Variants in PLPPR1 observed in about 807,000 individuals in gnomAD.
PLPPR1 encodes the protein phospholipid phosphatase-related protein type 1.
In PLPPR1, 10 loss-of-function variants were observed where a neutral mutation model predicts 33.1. The observed-to-expected ratio is 0.30, with a 90% CI of 0.19 to 0.51. PLPPR1 has a LOEUF of 0.51. Among genes scored for constraint, PLPPR1 ranks in the 20% least tolerant of loss-of-function variants. PLPPR1 has a pLI of 0.97. For missense variants in PLPPR1, 304 were observed against 408.1 expected (o/e 0.74, Z 2.20); for synonymous variants, 151 against 151.0 (o/e 1.00, Z 0.00).
chr9:101,062,173 T>C (rs1830356028), intron 1 of PLPPR1, among the ~76,000 whole-genome samples: 1 of 151,696 alleles, frequency 6.6e-6, no homozygotes, highest in Non-Finnish European at 1.5e-5. Flanking sequence ...TGTGTGTGTG[T>C]GTGTGTGTGT....
chr9:101,213,088 A>C (rs1826717865), intron 2 of PLPPR1, among the ~76,000 whole-genome samples: 1 of 152,180 alleles, frequency 6.6e-6, no homozygotes, highest in Non-Finnish European at 1.5e-5. Flanking sequence ...GGTGAATTAA[A>C]TTGCCCAAGA....
At chr9:101,100,696 CCGTG>C (rs1169090671) in intron 1 of PLPPR1, among the ~76,000 whole-genome samples, 1 of 104,472 alleles carries the variant, frequency 9.6e-6, no homozygotes, top group Non-Finnish European at 1.9e-5. Flanking sequence ...ACTCTTTGTT[CCGTG>C]TGTGTGTGTG....
intron 1 of PLPPR1, among the ~76,000 whole-genome samples, chr9:101,100,297 A>G (rs767204071): frequency 2.0e-5 from 3 of 152,150 alleles, no homozygotes; most frequent in Non-Finnish European, 4.4e-5. Context: ...ATTATTTTGC[A>G]ATGCAAAATT....
intron 2 of PLPPR1, among the ~76,000 whole-genome samples, chr9:101,215,099 A>G (rs1826764288): frequency 6.6e-6 from 1 of 152,034 alleles, no homozygotes; most frequent in Admixed American, 6.6e-5. Flanking sequence ...TTATGTTTGT[A>G]ATAGTAAAGT....
At chr9:101,183,945 A>G (rs1482268248) in intron 1 of PLPPR1, among the ~76,000 whole-genome samples, 1 of 151,614 alleles carries the variant, frequency 6.6e-6, no homozygotes, top group African/African-American at 2.4e-5. Context: ...TTCTTTTCAG[A>G]TATACAACAC....
At chr9:101,282,176 C>T (rs1035595269) in intron 3 of PLPPR1, among the ~76,000 whole-genome samples, 2 of 152,092 alleles carry the variant, frequency 1.3e-5, no homozygotes, top group Non-Finnish European at 2.9e-5. Context: ...AAAACCCTAA[C>T]AAATCAAACT....
At chr9:101,195,815 C>T (rs1430198930) in intron 2 of PLPPR1, among the ~76,000 whole-genome samples, 2 of 152,164 alleles carry the variant, frequency 1.3e-5, no homozygotes, top group African/African-American at 4.8e-5. Context: ...TGAGAATTAG[C>T]ATTACAGTAC....
intron 2 of PLPPR1, among the ~76,000 whole-genome samples, chr9:101,194,074 A>G (rs1004642395): frequency 6.6e-6 from 1 of 152,222 alleles, no homozygotes; most frequent in Non-Finnish European, 1.5e-5. Context: ...AACTCTGGAT[A>G]CAGGCTCATT....
intron 1 of PLPPR1, among the ~76,000 whole-genome samples, chr9:101,058,936 C>A (rs914745688): frequency 9.9e-5 from 15 of 152,084 alleles, no homozygotes; most frequent in African/African-American, 3.6e-4. Flanking sequence ...ACACAGCTAA[C>A]AAATTTCTGA....
intron 1 of PLPPR1, among the ~76,000 whole-genome samples, chr9:101,166,179 T>C (rs1825855850): frequency 6.6e-6 from 1 of 152,214 alleles, no homozygotes; most frequent in South Asian, 2.1e-4. Flanking sequence ...CCTTTATGTT[T>C]CAACCATATG....
At chr9:101,234,543 A>AT (rs200656303) in intron 2 of PLPPR1, among the ~76,000 whole-genome samples, 2 of 151,460 alleles carry the variant, frequency 1.3e-5, no homozygotes, top group African/African-American at 2.4e-5. Context: ...CTCCAAGTGT[A>AT]TTTTTTTAAA....
intron 1 of PLPPR1, among the ~76,000 whole-genome samples, chr9:101,149,091 C>T (rs944263936): frequency 2.0e-5 from 3 of 152,104 alleles, no homozygotes; most frequent in Admixed American, 2.0e-4. Context: ...TGTATTCTTG[C>T]AGAAATTTGC....
intron 2 of PLPPR1, among the ~76,000 whole-genome samples, chr9:101,210,558 T>A (rs1225254039): frequency 1.3e-5 from 2 of 152,190 alleles, no homozygotes; most frequent in Non-Finnish European, 2.9e-5. Flanking sequence ...CTTCAAAATT[T>A]GGCCTTGCGT....
At chr9:101,160,711 C>T (rs1025425789) in intron 1 of PLPPR1, among the ~76,000 whole-genome samples, 1 of 152,114 alleles carries the variant, frequency 6.6e-6, no homozygotes, top group East Asian at 1.9e-4. Flanking sequence ...TCTAATTAGC[C>T]ATCAAGATCC....
intron 1 of PLPPR1, among the ~76,000 whole-genome samples, chr9:101,160,969 A>G (rs1447256898): frequency 6.6e-6 from 1 of 152,192 alleles, no homozygotes; most frequent in African/African-American, 2.4e-5. Context: ...TCCTTGAAAA[A>G]GAATATCTCT....
chr9:101,080,809 TTCCTGAGAATAGAGC>T (rs1362592173), intron 1 of PLPPR1, among the ~76,000 whole-genome samples: 9 of 152,138 alleles, frequency 5.9e-5, no homozygotes, highest in Admixed American at 5.2e-4. Flanking sequence ...TTTTTTCCCA[TTCCTGAGAATAGAGC>T]TCCAGGTTCT....
intron 1 of PLPPR1, among the ~76,000 whole-genome samples, chr9:101,093,384 T>C (rs532920698): frequency 6.6e-6 from 1 of 152,168 alleles, no homozygotes; most frequent in African/African-American, 2.4e-5. Flanking sequence ...ATTTAATATT[T>C]CAGAAAAATT....
At chr9:101,036,701 CAAAAAAAAAAA>C (rs5899427) in intron 1 of PLPPR1, among the ~76,000 whole-genome samples, 2 of 103,742 alleles carry the variant, frequency 1.9e-5, no homozygotes, top group Non-Finnish European at 4.0e-5. Flanking sequence ...CTATTTCTGC[CAAAAAAAAAAA>C]AAAAAAAAAG....
At chr9:101,278,431 A>G (rs1174920845) in intron 3 of PLPPR1, among the ~76,000 whole-genome samples, 2 of 152,218 alleles carry the variant, frequency 1.3e-5, no homozygotes, top group East Asian at 3.8e-4. Context: ...ACAAGAGCTA[A>G]GTAAACCAGG....
Sources: gnomAD v4.1 joint callset for allele counts (sites outside exome capture counted in the v4.1 genomes callset) on GRCh38, gnomAD v4.1.1 for gene constraint, MANE v1.5 for transcripts, NCBI Gene and HGNC (gene_info 2026-07-23, HGNC 2026-07-21) for gene names.